GRIK3: variants seen among roughly 807,000 people sequenced by gnomAD.
GRIK3 encodes glutamate receptor ionotropic, kainate 3.
Under a neutral mutation model 102.5 loss-of-function variants are expected in GRIK3, and 29 were observed. The ratio of observed to expected loss-of-function variants is 0.28; its 90% CI spans 0.21 to 0.39. GRIK3 has a LOEUF of 0.39. Among genes scored for constraint, GRIK3 ranks in the 10% least tolerant of loss-of-function variants. The probability of loss-of-function intolerance (pLI) is 1.00; values close to 1 mark genes in which losing one functional copy is unlikely to be tolerated. For missense variants in GRIK3, 908 were observed against 1,252.4 expected, an observed-to-expected ratio of 0.73 and a Z score of 4.15; for synonymous variants, 511 against 504.9, an observed-to-expected ratio of 1.01 and a Z score of -0.16.
At position 36,880,239 on chromosome 1, in the gene GRIK3, G is replaced by A. The variant is rs985657560; in HGVS notation, c.550+395C>T. Among the ~76,000 whole-genome samples the A allele has an allele frequency of 6.6e-6, 1 of 152,188 alleles. No homozygotes were observed. Among genetic ancestry groups the A allele is most frequent in the African/African-American group, 2.4e-5 (1 of 41,444 alleles). On this transcript the variant is annotated intron_variant, in intron 3 of 15. Transcript: ENST00000373091. The surrounding 1 kb of genome is among the most constrained non-coding windows in gnomAD (Gnocchi z 5.4). ...CACTAGGCCACGCCATAAGCTATGT[G>A]TGTGAGTGTGCAAGTGTGAGGGTGG...
intron 5 of GRIK3, among the ~76,000 whole-genome samples, chr1:36,867,981 G>C (rs1640803892): frequency 6.6e-6 from 1 of 152,104 alleles, no homozygotes; most frequent in African/African-American, 2.4e-5. Flanking sequence ...CAAGACTCTG[G>C]GGAAGGCACC....
chr1:36,872,071 G>T lies in GRIK3; in HGVS notation c.732+117C>A. 1 of 956,550 alleles carries T rather than the reference G, an allele frequency of 1.0e-6. No individual in the cohort carries two copies. Among genetic ancestry groups the T allele is most frequent in the Non-Finnish European group, 1.5e-6 (1 of 658,438 alleles). 59.3% of individuals were successfully genotyped at this position (956,550 alleles called of 1,614,324 possible). On this transcript the variant is annotated intron_variant, in intron 4 of 15. Transcript: ENST00000373091. This position sits in a 1 kb window ranked among gnomAD's most constrained non-coding sequence, Gnocchi z 5.9. The stretch of plus-strand genomic sequence containing the variant: ...CCCAAGGTCACACAGCAGGAAAGTG[G>T]CAGAGCTAGGAGTCAAACTTAGATC...
At position 36,819,702 on chromosome 1, in the gene GRIK3, C is replaced by G; in HGVS notation, c.1873+34G>C. ...TGAAGACCGCTTGGGGAAAGCAGACCCTGGAAGGGGAGGCCCTGGGAGAGG... is the reference window on the plus strand; with the variant it reads ...TGAAGACCGCTTGGGGAAAGCAGACGCTGGAAGGGGAGGCCCTGGGAGAGG... On this transcript the variant is annotated intron_variant, in intron 12 of 15. Coordinates refer to ENST00000373091, the MANE Select transcript of GRIK3 (RefSeq NM_000831.4). This position sits in a 1 kb window ranked among gnomAD's most constrained non-coding sequence, Gnocchi z 4.1. The G allele has an allele frequency of 8.9e-7, 1 of 1,120,972 alleles. No individual in the cohort carries two copies. The highest frequency in any genetic ancestry group is 1.2e-5 in the South Asian group (1 of 80,788). The allele number at this position is 1,120,972 out of a possible 1,614,324, so 69.4% of individuals were successfully genotyped here.
intron 1 of GRIK3, among the ~76,000 whole-genome samples, chr1:36,982,839 A>G (rs1393300669): frequency 6.7e-6 from 1 of 150,258 alleles, no homozygotes; most frequent in East Asian, 2.0e-4. Flanking sequence ...AAGGAGGGGG[A>G]GCGCCTGCCA....
intron 1 of GRIK3, among the ~76,000 whole-genome samples, chr1:37,001,169 A>T (rs1211651167): frequency 6.6e-6 from 1 of 152,158 alleles, no homozygotes; most frequent in African/African-American, 2.4e-5. Context: ...CCCCATCCTC[A>T]CTGTCCATAG....
At chr1:36,979,348 G>A (rs1642226882) in intron 1 of GRIK3, among the ~76,000 whole-genome samples, 1 of 152,210 alleles carries the variant, frequency 6.6e-6, no homozygotes, top group African/African-American at 2.4e-5. Context: ...GTCCAGTTCT[G>A]GTCCATCCAT....
intron 1 of GRIK3, among the ~76,000 whole-genome samples, chr1:36,935,540 T>A (rs1299588170): frequency 6.7e-6 from 1 of 149,018 alleles, no homozygotes; most frequent in Non-Finnish European, 1.5e-5. Flanking sequence ...TCTCCTCCCC[T>A]CCCCCATCTC....
chr1:36,982,090 C>T lies in GRIK3; in HGVS notation c.115+51904G>A, dbSNP rs573813824. Among the ~76,000 whole-genome samples the T allele has an allele frequency of 8.5e-5, 13 of 152,328 alleles. No individual in the cohort carries two copies. In the East Asian group the frequency reaches 2.5e-3, roughly 29 times the overall value. ...CGGCTCCTGAATCCCACTCTTGCTG[C>T]CACAGCTCAGCCCACTCAGCCAGGA... On this transcript the variant is annotated intron_variant, in intron 1 of 15. Coordinates refer to ENST00000373091, the MANE Select transcript of GRIK3 (RefSeq NM_000831.4).
rs56228690 is a variant in GRIK3 at position 36,908,778 on chromosome 1, GGT to G, written c.116-17684_116-17683del. 4.2e-3 allele frequency among the ~76,000 whole-genome samples: 614 copies of G among 146,764 alleles called. 2 individuals carry two copies. The highest frequency in any genetic ancestry group is 0.014 in the Middle Eastern group (4 of 288). On this transcript the variant is annotated intron_variant, in intron 1 of 15. Transcript: ENST00000373091. ...CTGAGGCGGCTAAGAAATGGGATAGGGTGTGTGTGTGTGTGTGTGTGTGTGTG... is the reference window on the plus strand; with the variant it reads ...CTGAGGCGGCTAAGAAATGGGATAGGGTGTGTGTGTGTGTGTGTGTGTGTG...
At chr1:36,908,904 G>A (rs1035626677) in intron 1 of GRIK3, among the ~76,000 whole-genome samples, 1 of 152,034 alleles carries the variant, frequency 6.6e-6, no homozygotes, top group Non-Finnish European at 1.5e-5. Flanking sequence ...TTGTGTGGAA[G>A]CCCAACGGGT....
At chr1:36,969,856 G>A (rs1029271270) in intron 1 of GRIK3, among the ~76,000 whole-genome samples, 1 of 152,210 alleles carries the variant, frequency 6.6e-6, no homozygotes, top group Non-Finnish European at 1.5e-5. Flanking sequence ...ATGAGGATGC[G>A]AATGGACAGA....
intron 1 of GRIK3, among the ~76,000 whole-genome samples, chr1:36,962,421 G>A (rs1373915734): frequency 6.6e-6 from 1 of 152,096 alleles, no homozygotes; most frequent in South Asian, 2.1e-4. Flanking sequence ...ATGCCCCAGG[G>A]GTTAATCTCA....
At chr1:36,904,400 T>A (rs1413156429) in intron 1 of GRIK3, among the ~76,000 whole-genome samples, 2 of 152,220 alleles carry the variant, frequency 1.3e-5, no homozygotes, top group East Asian at 1.9e-4. Context: ...TCTGTATTTT[T>A]AAAAAGTTCT....
chr1:36,858,021 T>C (rs1201197463), intron 7 of GRIK3, among the ~76,000 whole-genome samples: 1 of 152,220 alleles, frequency 6.6e-6, no homozygotes, highest in Non-Finnish European at 1.5e-5. Flanking sequence ...GCTGGCTTCA[T>C]TTCCGGCCCG....
chr1:36,968,898 C>T (rs1474259362), intron 1 of GRIK3, among the ~76,000 whole-genome samples: 3 of 152,198 alleles, frequency 2.0e-5, no homozygotes, highest in Non-Finnish European at 4.4e-5. Flanking sequence ...AACAGAATGA[C>T]TCATCCAGAG....
chr1:36,964,514 A>G (rs1380186555), intron 1 of GRIK3, among the ~76,000 whole-genome samples: 3 of 152,162 alleles, frequency 2.0e-5, no homozygotes, highest in African/African-American at 7.2e-5. Flanking sequence ...TAAAATCAGC[A>G]TGGACCAGGG....
chr1:36,940,663 G>A (rs765128985), intron 1 of GRIK3, among the ~76,000 whole-genome samples: 1 of 152,204 alleles, frequency 6.6e-6, no homozygotes, highest in Non-Finnish European at 1.5e-5. Context: ...GAGGGGCCTG[G>A]CAGAGGAGAA....
intron 1 of GRIK3, among the ~76,000 whole-genome samples, chr1:36,950,290 C>A (rs1641830728): frequency 6.6e-6 from 1 of 152,198 alleles, no homozygotes; most frequent in African/African-American, 2.4e-5. Context: ...TTCCTGCTCA[C>A]AAAATGCATG....
At chr1:37,005,180 A>G (rs1005764301) in intron 1 of GRIK3, among the ~76,000 whole-genome samples, 2 of 152,152 alleles carry the variant, frequency 1.3e-5, no homozygotes, top group Admixed American at 6.5e-5. Context: ...TGCCTCCCTG[A>G]TGGCCCTGCT....
Sources: allele counts gnomAD v4.1 joint callset (sites outside exome capture counted in the v4.1 genomes callset), GRCh38; gene constraint gnomAD v4.1.1; non-coding constraint Gnocchi (gnomAD v3.1); transcripts MANE v1.5; gene names NCBI Gene and HGNC (gene_info 2026-07-23, HGNC 2026-07-21).